Variants in NFIB observed in about 807,000 individuals in gnomAD.
The protein encoded by NFIB is nuclear factor I B.
A neutral mutation model predicts 61.5 loss-of-function variants in NFIB; 11 were observed. The observed-to-expected ratio is 0.18, with a 90% CI of 0.11 to 0.30. The LOEUF (loss-of-function observed/expected upper bound fraction) is 0.30, where lower values mean the gene tolerates loss of function less well. Ranked by LOEUF, NFIB falls within the 10% of genes least tolerant of loss-of-function variation. NFIB has a pLI of 1.00. For missense variants in NFIB, 471 were observed against 608.9 expected, an observed-to-expected ratio of 0.77 and a Z score of 2.38; for synonymous variants, 260 against 216.5, an observed-to-expected ratio of 1.20 and a Z score of -1.76.
intron 2 of NFIB, among the ~76,000 whole-genome samples, chr9:14,240,807 T>A (rs1299813238): frequency 2.0e-5 from 3 of 152,174 alleles, no homozygotes; most frequent in African/African-American, 7.2e-5. Flanking sequence ...AAGCCTCAGT[T>A]CATCTACTCA....
chr9:14,438,179 T>A, the NFIB span, among the ~76,000 whole-genome samples: 10 of 152,112 alleles, frequency 6.6e-5, no homozygotes, highest in Non-Finnish European at 1.3e-4. Context: ...TACCAAGGAT[T>A]GCTCATATAC....
the NFIB span, among the ~76,000 whole-genome samples, chr9:14,423,072 T>C: frequency 2.0e-5 from 3 of 152,218 alleles, no homozygotes; most frequent in African/African-American, 7.2e-5. Context: ...TAAAAAAAAG[T>C]ATGCCCACAT....
intron 2 of NFIB, among the ~76,000 whole-genome samples, chr9:14,213,046 A>C (rs1409416954): frequency 6.6e-6 from 1 of 152,222 alleles, no homozygotes; most frequent in Non-Finnish European, 1.5e-5. Flanking sequence ...TTATACATCA[A>C]TCATGTTTAT....
At chr9:14,102,656 A>G in intron 10 of NFIB, 1 of 580,414 alleles carries the variant, frequency 1.7e-6, no homozygotes, top group Non-Finnish European at 2.7e-6. Context: ...AAAGCAAAAA[A>G]AAATCTTATT....
intron 2 of NFIB, among the ~76,000 whole-genome samples, chr9:14,234,108 C>T (rs767079719): frequency 2.6e-5 from 4 of 152,122 alleles, no homozygotes; most frequent in Non-Finnish European, 4.4e-5. Flanking sequence ...AGCCTGCAGT[C>T]CTGTGACTTA....
the NFIB span, among the ~76,000 whole-genome samples, chr9:14,473,744 G>A: frequency 6.6e-6 from 1 of 152,180 alleles, no homozygotes; most frequent in Non-Finnish European, 1.5e-5. Context: ...ACACACAAAT[G>A]CACTTGCCTT....
In NFIB at chr9:14,276,758, C is replaced by G. The variant is rs145818384; in HGVS notation, c.562+30231G>C. Among the ~76,000 whole-genome samples, 28 of 152,154 alleles carry G rather than the reference C, an allele frequency of 1.8e-4. No homozygotes were observed. The East Asian group carries it at 4.8e-3, about 26-fold the overall frequency. On this transcript the variant is annotated intron_variant, in intron 2 of 10. Coordinates refer to ENST00000380953, the MANE Select transcript of NFIB (RefSeq NM_001190737.2). Reference sequence around the variant, plus strand: ...TTCATGCGAGGGAAAGCTGATCACACGAAAGGTTTCTTAGGGACTGTTTGC... The same window carrying G: ...TTCATGCGAGGGAAAGCTGATCACAGGAAAGGTTTCTTAGGGACTGTTTGC...
intron 1 of NFIB, among the ~76,000 whole-genome samples, chr9:14,342,957 TG>T (rs2060969905): frequency 6.6e-6 from 1 of 152,004 alleles, no homozygotes; most frequent in Non-Finnish European, 1.5e-5. Context: ...CATATGTTTT[TG>T]TCTGTATATT....
intron 1 of NFIB, among the ~76,000 whole-genome samples, chr9:14,347,582 G>A (rs957935556): frequency 6.7e-6 from 1 of 148,398 alleles, no homozygotes; most frequent in African/African-American, 2.5e-5. Flanking sequence ...GGGTGCGATT[G>A]GGAGAGGGGA....
rs1961223 is a variant in NFIB at position 14,398,764 on chromosome 9, G to A, written c.-133C>T. The A allele has an allele frequency of 5.9e-3, 3,620 of 617,210 alleles. 86 individuals are homozygous for A. The highest frequency in any genetic ancestry group is 0.055 in the African/African-American group (2,905 of 52,750). 38.2% of individuals were successfully genotyped at this position (617,210 alleles called of 1,614,324 possible). ...ATAGGAATGAACAGGCAGAAGGTCC[G>A]AAGAGTTTGAGGGTGACTGATGGAT... On this transcript the variant is annotated 5_prime_UTR_variant, in exon 1 of 9. Coordinates refer to the NFIB transcript ENST00000380934.
At chr9:14,520,863 G>A in the NFIB span, among the ~76,000 whole-genome samples, 5 of 152,286 alleles carry the variant, frequency 3.3e-5, no homozygotes, top group Non-Finnish European at 7.4e-5. Context: ...ATGATGGAAG[G>A]CCCAAAAAGT....
chr9:14,450,133 C>T, the NFIB span, among the ~76,000 whole-genome samples: 12 of 152,084 alleles, frequency 7.9e-5, no homozygotes, highest in South Asian at 4.2e-4. Context: ...CCCTACACTC[C>T]GACAGGCCCC....
At chr9:14,462,267 C>CT in the NFIB span, among the ~76,000 whole-genome samples, 581 of 151,650 alleles carry the variant, frequency 3.8e-3, 3 homozygotes, top group South Asian at 0.027. Flanking sequence ...ATTCTTTTTT[C>CT]TTTTTTTTCT....
chr9:14,424,826 T>A, the NFIB span, among the ~76,000 whole-genome samples: 57 of 152,280 alleles, frequency 3.7e-4, no homozygotes, highest in Non-Finnish European at 6.8e-4. Context: ...TGGGGATAAG[T>A]CTGGTGGAGT....
chr9:14,466,151 G>C, the NFIB span, among the ~76,000 whole-genome samples: 27 of 152,156 alleles, frequency 1.8e-4, no homozygotes, highest in Non-Finnish European at 4.4e-5. Flanking sequence ...ATCTCAGCCA[G>C]CCTTTATGAA....
At chr9:14,326,970 AG>A (rs1345647642) in intron 1 of NFIB, among the ~76,000 whole-genome samples, 1 of 152,250 alleles carries the variant, frequency 6.6e-6, no homozygotes, top group African/African-American at 2.4e-5. Flanking sequence ...GCCCTTAAAA[AG>A]AAAACAATAA....
intron 7 of NFIB, among the ~76,000 whole-genome samples, chr9:14,122,508 A>G (rs1189029887): frequency 6.6e-6 from 1 of 152,252 alleles, no homozygotes; most frequent in African/African-American, 2.4e-5. Context: ...TGCATTTCAG[A>G]GAACAAATGC....
chr9:14,344,058 G>C (rs770083475), intron 1 of NFIB, among the ~76,000 whole-genome samples: 2 of 151,714 alleles, frequency 1.3e-5, no homozygotes, highest in Non-Finnish European at 2.9e-5. Context: ...ATAAATGCCA[G>C]AGTATGCTAA....
At chr9:14,351,139 G>A (rs1380991196) in intron 1 of NFIB, among the ~76,000 whole-genome samples, 1 of 152,220 alleles carries the variant, frequency 6.6e-6, no homozygotes. Flanking sequence ...CTGCTAAGCA[G>A]GGAGAGGATC....
Sources: gnomAD v4.1 joint callset for allele counts (sites outside exome capture counted in the v4.1 genomes callset) on GRCh38, gnomAD v4.1.1 for gene constraint, MANE v1.5 for transcripts, NCBI Gene and HGNC (gene_info 2026-07-23, HGNC 2026-07-21) for gene names.